Variants in XPR1 observed in about 807,000 individuals in gnomAD.
XPR1 encodes the protein xenotropic and polytropic retrovirus receptor 1, also known as solute carrier family 53 member 1.
XPR1 carries 28 observed loss-of-function variants against 87.5 expected under a neutral mutation model. The ratio of observed to expected loss-of-function variants is 0.32; its 90% confidence interval spans 0.24 to 0.44. The LOEUF (loss-of-function observed/expected upper bound fraction) is 0.44. Among genes scored for constraint, XPR1 ranks in the 20% least tolerant of loss-of-function variants. The pLI, the probability that XPR1 is intolerant of heterozygous loss-of-function variation, is 1.00. For missense variants in XPR1, 559 were observed against 862.3 expected (o/e 0.65, Z 4.41); for synonymous variants, 300 against 306.1 (o/e 0.98, Z 0.21).
intron 2 of XPR1, among the ~76,000 whole-genome samples, chr1:180,726,801 G>A (rs1658367675): frequency 6.6e-6 from 1 of 152,014 alleles, no homozygotes; most frequent in South Asian, 2.1e-4. Flanking sequence ...GTAAAATAGA[G>A]TCATTTATGT....
At chr1:180,760,848 C>G (rs150106975) in intron 2 of XPR1, among the ~76,000 whole-genome samples, 6,491 of 152,178 alleles carry the variant, frequency 0.043, 485 homozygotes, top group African/African-American at 0.15. Context: ...AGGCATCATG[C>G]TACCTGACTT....
chr1:180,835,243 G>A (rs568976866), intron 10 of XPR1, among the ~76,000 whole-genome samples, 198 bp downstream of exon 10: 4 of 152,196 alleles, frequency 2.6e-5, no homozygotes, highest in South Asian at 4.1e-4. Flanking sequence ...TTAGGATTTC[G>A]TCTGTCCATT....
intron 2 of XPR1, among the ~76,000 whole-genome samples, chr1:180,693,204 A>G (rs1657048959): frequency 6.6e-6 from 1 of 152,218 alleles, no homozygotes; most frequent in African/African-American, 2.4e-5. Context: ...AGCAATTGTT[A>G]AAGTTTAAAG....
intron 11 of XPR1, among the ~76,000 whole-genome samples, chr1:180,844,212 G>A (rs1406347792): frequency 6.6e-6 from 1 of 151,992 alleles, no homozygotes; most frequent in East Asian, 1.9e-4. Flanking sequence ...CTCCGTCTAA[G>A]AAAAAAAGAA....
At chr1:180,840,229 CAAAAAAAAA>C (rs5779073) in intron 11 of XPR1, among the ~76,000 whole-genome samples, 1 of 66,846 alleles carries the variant, frequency 1.5e-5, no homozygotes, top group South Asian at 5.4e-4. Context: ...GACTCTGTCT[CAAAAAAAAA>C]AAAAAAAAAA....
intron 1 of XPR1, among the ~76,000 whole-genome samples, chr1:180,646,600 CT>C (rs1050103976): frequency 1.3e-5 from 2 of 151,890 alleles, no homozygotes; most frequent in East Asian, 1.9e-4. Flanking sequence ...ATGCAGCTTT[CT>C]TTTTTTTGGC....
intron 2 of XPR1, among the ~76,000 whole-genome samples, chr1:180,723,916 G>GT (rs1658253477): frequency 6.6e-6 from 1 of 152,022 alleles, no homozygotes; most frequent in African/African-American, 2.4e-5. Context: ...GACCATTAGT[G>GT]CTTTTCAGTC....
intron 2 of XPR1, among the ~76,000 whole-genome samples, chr1:180,776,850 A>G (rs1427956317): frequency 6.6e-6 from 1 of 152,148 alleles, no homozygotes; most frequent in Non-Finnish European, 1.5e-5. Context: ...TGTCACTGTT[A>G]TAAGTGAAAA....
At chr1:180,722,634 G>C (rs1303579409) in intron 2 of XPR1, among the ~76,000 whole-genome samples, 1 of 152,106 alleles carries the variant, frequency 6.6e-6, no homozygotes. Context: ...TATTAACCTT[G>C]ATTTGACTGT....
rs1358113408 is a variant in XPR1 at position 180,656,551 on chromosome 1, T to TA, written c.69+24281_69+24282insA. On this transcript the variant is annotated intron_variant, in intron 1 of 14. Transcript: ENST00000367590. ...TATATTATATATAATATTTATATAT[T>TA]TATATGTATAATATATATTTTATAT... Among the ~76,000 whole-genome samples, 178 of 41,854 alleles carry TA rather than the reference T, an allele frequency of 4.3e-3. 2 individuals carry two copies. The highest frequency in any genetic ancestry group is 6.0e-3 in the Non-Finnish European group (122 of 20,284). The allele number at this position is 41,854 out of a possible 152,430, so 27.5% of individuals were successfully genotyped here.
chr1:180,755,107 G>T (rs1266894517), intron 2 of XPR1, among the ~76,000 whole-genome samples: 1 of 152,156 alleles, frequency 6.6e-6, no homozygotes, highest in Non-Finnish European at 1.5e-5. Flanking sequence ...TTGGCTAAGA[G>T]ATATTACTAT....
chr1:180,766,902 G>A lies in XPR1; in HGVS notation c.122-20851G>A, dbSNP rs542243826. Among the ~76,000 whole-genome samples the A allele has an allele frequency of 6.2e-4, 94 of 152,278 alleles. 1 individual carries two copies. Among genetic ancestry groups the A allele is most frequent in the Non-Finnish European group, 1.1e-3 (78 of 68,002 alleles). On this transcript the variant is annotated intron_variant, in intron 2 of 14. Coordinates refer to ENST00000367590, the MANE Select transcript of XPR1 (RefSeq NM_004736.4). ...AGTTTTATTCATACCCTGGCTTAAT[G>A]TAGGTTTTGTTACCAGATAATTACA...
chr1:180,806,772 G>C (rs1247422161), intron 6 of XPR1, among the ~76,000 whole-genome samples: 1 of 151,602 alleles, frequency 6.6e-6, no homozygotes, highest in Non-Finnish European at 1.5e-5. Context: ...GTACTTTCTT[G>C]TTTATTCTTA....
rs200813501 is a variant in XPR1, at chr1:180,873,967, T to C, written c.1808+25T>C. The C allele has an allele frequency of 9.9e-5, 159 of 1,598,810 alleles. No individual in the cohort carries two copies. In the East Asian group the frequency reaches 3.2e-3, roughly 32 times the overall value. Reference sequence around the variant, plus strand: ...GGTAAGCAAACTACTGAAAAGTTTATTAAAGATTCTTTTTAACCTAAAAGA... The same window carrying C: ...GGTAAGCAAACTACTGAAAAGTTTACTAAAGATTCTTTTTAACCTAAAAGA... On this transcript the variant is annotated intron_variant, in intron 13 of 14. Coordinates refer to ENST00000367590, the MANE Select transcript of XPR1 (RefSeq NM_004736.4).
At chr1:180,771,283 T>A (rs76513718) in intron 2 of XPR1, among the ~76,000 whole-genome samples, 1 of 149,266 alleles carries the variant, frequency 6.7e-6, no homozygotes, top group Non-Finnish European at 1.5e-5. Context: ...TTTGAATTGG[T>A]TTTTTTTTTA....
chr1:180,825,235 T>A lies in XPR1; in HGVS notation c.1025T>A (p.Ile342Asn). ...LACFFAPISV[I>N]PTYVYPLALY... The stretch of plus-strand genomic sequence containing the variant: ...TGCTTCTTTGCTCCAATTAGTGTCA[T>A]CCCCACATATGTGTATCCACTTGCC... The change falls in exon 9 of 15, where the codon ATC becomes AAC. Residue 342 changes from isoleucine (I) to asparagine (N), a missense_variant. This residue lies in a region of XPR1 where 264 missense variants were observed against 377.2 expected (regional missense o/e 0.70). Coordinates refer to ENST00000367590, the MANE Select transcript of XPR1 (RefSeq NM_004736.4). 8 of 1,614,070 alleles carry A rather than the reference T, an allele frequency of 5.0e-6. No homozygotes were observed. The highest frequency in any genetic ancestry group is 6.8e-6 in the Non-Finnish European group (8 of 1,179,952).
Position 180,786,062 on chromosome 1 carries a change from C to T in XPR1, c.122-1691C>T, listed in dbSNP as rs527500654. 4.6e-4 allele frequency among the ~76,000 whole-genome samples: 70 copies of T among 151,866 alleles called. 2 individuals carry two copies. Among genetic ancestry groups the T allele is most frequent in the Middle Eastern group, 3.4e-3 (1 of 290 alleles). On this transcript the variant is annotated intron_variant, in intron 2 of 14. Transcript: ENST00000367590. Reference sequence around the variant, plus strand: ...TATAGCCCTTATTGTACCTAGATTGCGGAGTTTAAAGTGGCCATCCTGTTT... The same window carrying T: ...TATAGCCCTTATTGTACCTAGATTGTGGAGTTTAAAGTGGCCATCCTGTTT...
intron 10 of XPR1, 137 bp downstream of exon 10, chr1:180,835,182 AT>A: frequency 1.0e-6 from 1 of 976,228 alleles, no homozygotes; most frequent in Non-Finnish European, 1.4e-6. Flanking sequence ...TGTACTTGGC[AT>A]TCTGTTAGCA....
At chr1:180,664,754 C>T (rs1346347096) in intron 1 of XPR1, among the ~76,000 whole-genome samples, 1 of 152,140 alleles carries the variant, frequency 6.6e-6, no homozygotes, top group Non-Finnish European at 1.5e-5. Context: ...ACCAGCATTC[C>T]CCGACATTTT....
Sources: gnomAD v4.1 joint callset for allele counts (sites outside exome capture counted in the v4.1 genomes callset) on GRCh38, gnomAD v4.1.1 for gene constraint, gnomAD v4.1.1 regional missense constraint, MANE v1.5 for transcripts, NCBI Gene and HGNC (gene_info 2026-07-23, HGNC 2026-07-21) for gene names.